RPS6KA2: variants seen among roughly 807,000 people sequenced by gnomAD.
RPS6KA2 encodes the protein ribosomal protein S6 kinase alpha-2.
RPS6KA2 carries 42 observed loss-of-function variants against 91.8 expected under a neutral mutation model. That is an observed-to-expected ratio of 0.46 (90% CI 0.36 to 0.59). RPS6KA2 has a LOEUF of 0.59. RPS6KA2 is among the 20% of genes least tolerant of loss of function. The probability of loss-of-function intolerance (pLI) is 0.00; values close to 1 mark genes in which losing one functional copy is unlikely to be tolerated. For synonymous variants in RPS6KA2, 414 were observed against 393.6 expected (o/e 1.05, Z -0.61); for missense variants, 798 against 978.5 (o/e 0.82, Z 2.46).
intron 1 of RPS6KA2, among the ~76,000 whole-genome samples, chr6:166,599,862 C>T (rs1262198900): frequency 6.6e-6 from 1 of 151,408 alleles, no homozygotes; most frequent in Non-Finnish European, 1.5e-5. Context: ...ATCCTCCATG[C>T]GTCACTCTCA....
At chr6:166,805,619 C>T (rs1408102898) in intron 2 of RPS6KA2, among the ~76,000 whole-genome samples, 1 of 152,116 alleles carries the variant, frequency 6.6e-6, no homozygotes, top group Non-Finnish European at 1.5e-5. Context: ...CAGAGACAGC[C>T]TACAACAATT....
chr6:166,795,044 A>G (rs570436439), intron 2 of RPS6KA2, among the ~76,000 whole-genome samples: 1 of 152,108 alleles, frequency 6.6e-6, no homozygotes, highest in South Asian at 2.1e-4. Context: ...AAATAAAATA[A>G]AAATTCATCC....
chr6:166,611,171 A>G (rs946474643), intron 1 of RPS6KA2, among the ~76,000 whole-genome samples: 7 of 152,268 alleles, frequency 4.6e-5, no homozygotes, highest in African/African-American at 1.7e-4. Context: ...AAGCAAATTT[A>G]AAAGTATTAT....
intron 2 of RPS6KA2, among the ~76,000 whole-genome samples, chr6:166,673,127 G>A (rs561021682): frequency 5.3e-5 from 8 of 152,158 alleles, no homozygotes; most frequent in Admixed American, 1.3e-4. Context: ...TCAGTCTCCC[G>A]CTGCCTGTCC....
chr6:166,642,064 G>A (rs1787454990), intron 2 of RPS6KA2, among the ~76,000 whole-genome samples: 1 of 151,724 alleles, frequency 6.6e-6, no homozygotes, highest in Non-Finnish European at 1.5e-5. Flanking sequence ...AAATCCCCAG[G>A]AGGATTCAAT....
intron 3 of RPS6KA2, among the ~76,000 whole-genome samples, chr6:166,515,136 C>T (rs1782604000): frequency 6.6e-6 from 1 of 152,130 alleles, no homozygotes; most frequent in African/African-American, 2.4e-5. Context: ...AGAGGATGCA[C>T]CATGATGTGG....
intron 19 of RPS6KA2, among the ~76,000 whole-genome samples, chr6:166,416,907 C>T (rs1161396128): frequency 6.6e-6 from 1 of 152,214 alleles, no homozygotes; most frequent in Non-Finnish European, 1.5e-5. Context: ...CCACCATCAT[C>T]TCTACAATCA....
intron 2 of RPS6KA2, among the ~76,000 whole-genome samples, chr6:166,537,433 C>T (rs926245645): frequency 1.3e-5 from 2 of 152,222 alleles, no homozygotes; most frequent in Non-Finnish European, 1.5e-5. Flanking sequence ...AAATCTTCAT[C>T]CCCCTATTTC....
intron 2 of RPS6KA2, among the ~76,000 whole-genome samples, chr6:166,801,945 TAAA>T (rs869037579): frequency 1.4e-5 from 2 of 147,484 alleles, no homozygotes; most frequent in African/African-American, 2.5e-5. Context: ...AGAGGAAAAT[TAAA>T]AAAAAAAAAT....
intron 2 of RPS6KA2, among the ~76,000 whole-genome samples, chr6:166,781,486 G>A (rs974847804): frequency 6.6e-6 from 1 of 152,220 alleles, no homozygotes; most frequent in South Asian, 2.1e-4. Context: ...GGCACCTGGA[G>A]GGGCTGCCAC....
intron 2 of RPS6KA2, among the ~76,000 whole-genome samples, chr6:166,812,576 A>C (rs1779666839): frequency 6.6e-6 from 1 of 152,094 alleles, no homozygotes; most frequent in African/African-American, 2.4e-5. Flanking sequence ...GAAATCCTCC[A>C]CATGGGGTCT....
rs1006314234 is a variant in RPS6KA2, at chr6:166,849,615, G to A, written c.123+8585C>T. 3.9e-5 allele frequency among the ~76,000 whole-genome samples: 6 copies of A among 152,260 alleles called. No homozygotes were observed. Among genetic ancestry groups the A allele is most frequent in the Admixed American group, 3.3e-4 (5 of 15,302 alleles). On this transcript the variant is annotated intron_variant, in intron 2 of 21. Coordinates refer to the RPS6KA2 transcript ENST00000503859. This position sits in a 1 kb window ranked among gnomAD's most constrained non-coding sequence, Gnocchi z 4.9. ...TGAGACCGTTCATCGTTTCAAGAAG[G>A]ACATTGCAATGTTTACCCTATTAAC...
chr6:166,709,490 T>C (rs1405287238), intron 2 of RPS6KA2, among the ~76,000 whole-genome samples: 1 of 152,092 alleles, frequency 6.6e-6, no homozygotes, highest in African/African-American at 2.4e-5. Flanking sequence ...AATAAACACA[T>C]GACCAAAAAG....
chr6:166,758,213 G>A (rs2128602030), intron 2 of RPS6KA2, among the ~76,000 whole-genome samples: 1 of 152,332 alleles, frequency 6.6e-6, no homozygotes, highest in South Asian at 2.1e-4. Flanking sequence ...AGGTGGCGCT[G>A]GGTCAGTGAA....
chr6:166,489,784 C>G (rs762893603), intron 9 of RPS6KA2, among the ~76,000 whole-genome samples: 9 of 152,148 alleles, frequency 5.9e-5, no homozygotes, highest in Non-Finnish European at 1.0e-4. Flanking sequence ...CTCTCTCCTT[C>G]CATCTACATA....
At chr6:166,679,446 AGAGT>A (rs1475937333) in intron 2 of RPS6KA2, among the ~76,000 whole-genome samples, 1 of 152,196 alleles carries the variant, frequency 6.6e-6, no homozygotes, top group East Asian at 1.9e-4. Flanking sequence ...CCTGGGCAAC[AGAGT>A]GAGACTCCAT....
In RPS6KA2 at chr6:166,540,834, C is replaced by T. The variant is rs1339166127; in HGVS notation, c.100-2050G>A. Among the ~76,000 whole-genome samples the T allele has an allele frequency of 1.1e-4, 17 of 152,294 alleles. 1 individual carries two copies. The highest frequency in any genetic ancestry group is 1.1e-3 in the Admixed American group (17 of 15,292). On this transcript the variant is annotated intron_variant, in intron 1 of 20. Transcript: ENST00000265678. The stretch of plus-strand genomic sequence containing the variant: ...CACTGCCTGTGAGAACCACTACCTT[C>T]CACGCGGCTGCTGGAGGTGGCTTCC...
intron 2 of RPS6KA2, among the ~76,000 whole-genome samples, chr6:166,837,862 G>A (rs1459439617): frequency 6.6e-6 from 1 of 152,232 alleles, no homozygotes; most frequent in Non-Finnish European, 1.5e-5. Flanking sequence ...TTACTTGGTT[G>A]GTTGTTTGCT....
intron 10 of RPS6KA2, among the ~76,000 whole-genome samples, chr6:166,473,024 T>C (rs1780828403): frequency 6.6e-6 from 1 of 152,184 alleles, no homozygotes; most frequent in South Asian, 2.1e-4. Flanking sequence ...TAATAACACC[T>C]GATCCTGTTT....
Sources: allele counts gnomAD v4.1 joint callset (sites outside exome capture counted in the v4.1 genomes callset), GRCh38; gene constraint gnomAD v4.1.1; non-coding constraint Gnocchi (gnomAD v3.1); transcripts MANE v1.5; gene names NCBI Gene and HGNC (gene_info 2026-07-23, HGNC 2026-07-21).